Variants in ROBO2 observed in about 807,000 individuals in gnomAD.
The protein encoded by ROBO2 is roundabout homolog 2.
In ROBO2, 53 loss-of-function variants were observed where a neutral mutation model predicts 160.8. The observed-to-expected ratio is 0.33, with a 90% CI of 0.26 to 0.41. The LOEUF (loss-of-function observed/expected upper bound fraction) is 0.41, where lower values mean the gene tolerates loss of function less well. ROBO2 is among the 10% of genes least tolerant of loss of function. ROBO2 has a pLI of 1.00. For missense variants in ROBO2, 1,577 were observed against 1,722.4 expected (o/e 0.92, Z 1.49); for synonymous variants, 664 against 611.7 (o/e 1.09, Z -1.26).
intron 2 of ROBO2, among the ~76,000 whole-genome samples, chr3:76,246,879 A>G (rs562776742): frequency 2.0e-5 from 3 of 152,258 alleles, no homozygotes; most frequent in East Asian, 3.9e-4. Flanking sequence ...ATTTATTGCA[A>G]TTTGAACTTT....
intron 2 of ROBO2, among the ~76,000 whole-genome samples, chr3:76,013,639 A>C (rs1348320811): frequency 6.6e-6 from 1 of 151,484 alleles, no homozygotes; most frequent in Non-Finnish European, 1.5e-5. Context: ...GAGGCTGGGC[A>C]CGGCGCCTGA....
intron 2 of ROBO2, among the ~76,000 whole-genome samples, chr3:76,082,355 G>A (rs990154632): frequency 1.3e-5 from 2 of 152,174 alleles, no homozygotes; most frequent in Non-Finnish European, 1.5e-5. Context: ...GTGTGTAAAG[G>A]CATAAAAAGT....
intron 2 of ROBO2, among the ~76,000 whole-genome samples, chr3:77,168,175 A>G (rs1051739601): frequency 1.3e-5 from 2 of 152,226 alleles, no homozygotes; most frequent in Non-Finnish European, 2.9e-5. Flanking sequence ...GTTACAGACA[A>G]TCAGCCTTCC....
chr3:77,164,759 T>G (rs1579543630), intron 2 of ROBO2, among the ~76,000 whole-genome samples: 1 of 33,500 alleles, frequency 3.0e-5, no homozygotes, highest in African/African-American at 6.7e-5. Context: ...GGGAGGGAAG[T>G]GGGGGGGTCA....
rs1298031937 is a variant in ROBO2 at position 76,834,014 on chromosome 3, C to CTTTCTTTCTCTCT, written c.110-263991_110-263990insCTCTTTTCTTTCT. Among the ~76,000 whole-genome samples the CTTTCTTTCTCTCT allele has an allele frequency of 2.8e-3, 54 of 19,234 alleles. 2 individuals are homozygous for CTTTCTTTCTCTCT. In the East Asian group the frequency reaches 0.072, roughly 26 times the overall value. 12.6% of individuals were successfully genotyped at this position (19,234 alleles called of 152,430 possible). ...CTTTCTTTCCTTCTTTCTTTCTTTC[C>CTTTCTTTCTCTCT]TTTCTTTCTTTTCTTTCTTTCTTTC... On this transcript the variant is annotated intron_variant, in intron 2 of 26. Coordinates refer to the ROBO2 transcript ENST00000487694.
chr3:76,652,945 A>T (rs1275461513), intron 2 of ROBO2, among the ~76,000 whole-genome samples: 6 of 152,108 alleles, frequency 3.9e-5, no homozygotes, highest in African/African-American at 1.4e-4. Flanking sequence ...GTTGCTTTTT[A>T]ACTATCATGT....
At chr3:76,515,678 G>A (rs868020708) in intron 2 of ROBO2, among the ~76,000 whole-genome samples, 3 of 152,138 alleles carry the variant, frequency 2.0e-5, no homozygotes, top group East Asian at 1.9e-4. Flanking sequence ...GTCTGGCACT[G>A]TGTTATTTGT....
At chr3:76,516,737 C>G (rs147213756) in intron 2 of ROBO2, among the ~76,000 whole-genome samples, 1,760 of 152,174 alleles carry the variant, frequency 0.012, 28 homozygotes, top group African/African-American at 0.039. Context: ...GAACTAAGAT[C>G]AAATTTTCTG....
At chr3:77,601,919 A>T (rs2094438012) in intron 19 of ROBO2, among the ~76,000 whole-genome samples, 1 of 152,186 alleles carries the variant, frequency 6.6e-6, no homozygotes. Flanking sequence ...GAACAACTGA[A>T]AGCATTTTTC....
At position 76,923,627 on chromosome 3, in the gene ROBO2, G is replaced by C. The variant is rs554781774; in HGVS notation, c.110-174387G>C. Among the ~76,000 whole-genome samples the C allele has an allele frequency of 3.3e-5, 5 of 152,308 alleles. No homozygotes were observed. In the East Asian group the frequency reaches 9.7e-4, roughly 29 times the overall value. On this transcript the variant is annotated intron_variant, in intron 2 of 26. Transcript: ENST00000487694. ...CTCATTGGCCAAGCTCATTGGCCAG[G>C]AATGAGGGAAAAGAGCAAGTAACTA...
chr3:76,330,775 A>G (rs1041495674), intron 2 of ROBO2, among the ~76,000 whole-genome samples: 1 of 151,386 alleles, frequency 6.6e-6, no homozygotes, highest in African/African-American at 2.4e-5. Flanking sequence ...TTTGTCAGTG[A>G]AAAAGTAGTT....
chr3:77,343,057 G>C (rs1560578322), intron 2 of ROBO2, among the ~76,000 whole-genome samples: 2 of 63,666 alleles, frequency 3.1e-5, no homozygotes, highest in Non-Finnish European at 7.9e-5. Flanking sequence ...ATAGGTAGAT[G>C]GAGAGAGAGA....
At chr3:76,899,377 A>G (rs928259759) in intron 2 of ROBO2, among the ~76,000 whole-genome samples, 2 of 152,168 alleles carry the variant, frequency 1.3e-5, no homozygotes, top group Non-Finnish European at 2.9e-5. Flanking sequence ...CAGAATAACA[A>G]TACAACGGAG....
At chr3:76,691,595 G>A (rs1413889291) in intron 2 of ROBO2, among the ~76,000 whole-genome samples, 1 of 152,164 alleles carries the variant, frequency 6.6e-6, no homozygotes, top group African/African-American at 2.4e-5. Flanking sequence ...GAATGAATGT[G>A]AAAATAATAA....
intron 2 of ROBO2, among the ~76,000 whole-genome samples, chr3:77,275,325 A>G (rs1207046905): frequency 6.6e-6 from 1 of 152,170 alleles, no homozygotes; most frequent in Non-Finnish European, 1.5e-5. Flanking sequence ...CAAAACTATC[A>G]TATGTCAAAA....
chr3:76,372,906 G>T (rs1052423102), intron 2 of ROBO2, among the ~76,000 whole-genome samples: 3 of 151,894 alleles, frequency 2.0e-5, no homozygotes, highest in African/African-American at 7.3e-5. Context: ...GACCACAAAT[G>T]GGGAATATGG....
At chr3:76,912,280 T>A (rs1302394380) in intron 2 of ROBO2, among the ~76,000 whole-genome samples, 1 of 152,142 alleles carries the variant, frequency 6.6e-6, no homozygotes, top group Non-Finnish European at 1.5e-5. Flanking sequence ...AAGTGAAAAT[T>A]TTTTAGTTCT....
At chr3:76,817,975 C>T (rs2065831427) in intron 2 of ROBO2, among the ~76,000 whole-genome samples, 3 of 151,890 alleles carry the variant, frequency 2.0e-5, no homozygotes, top group Admixed American at 1.3e-4. Context: ...GTGCAAGTAT[C>T]ATTTTTGTAG....
At chr3:77,575,757 G>A (rs576650034) in intron 14 of ROBO2, among the ~76,000 whole-genome samples, 34 of 152,094 alleles carry the variant, frequency 2.2e-4, no homozygotes, top group Non-Finnish European at 1.5e-4. Flanking sequence ...TTTATTCATC[G>A]TTAAATTTCA....
Sources: allele counts gnomAD v4.1 joint callset (sites outside exome capture counted in the v4.1 genomes callset), GRCh38; gene constraint gnomAD v4.1.1; transcripts MANE v1.5; gene names NCBI Gene and HGNC (gene_info 2026-07-23, HGNC 2026-07-21).